The following PML variants were observed in gnomAD, a reference collection of about 807,000 sequenced individuals.
The protein encoded by PML is PML nuclear body scaffold, also known as protein PML.
In PML, 28 loss-of-function variants were observed where a neutral mutation model predicts 65.2. The observed-to-expected ratio is 0.43, with a 90% confidence interval of 0.32 to 0.59. The LOEUF (loss-of-function observed/expected upper bound fraction) is 0.59. Ranked by LOEUF, PML falls within the 20% of genes least tolerant of loss-of-function variation. The pLI, the probability that PML is intolerant of heterozygous loss-of-function variation, is 0.08. For missense variants in PML, 1,021 were observed against 1,203.4 expected (o/e 0.85, Z 2.24); for synonymous variants, 500 against 508.8 (o/e 0.98, Z 0.23).
chr15:74,020,145 C>T (rs1209959271), intron 2 of PML, among the ~76,000 whole-genome samples: 4 of 152,160 alleles, frequency 2.6e-5, no homozygotes, highest in Non-Finnish European at 2.9e-5. Flanking sequence ...CTTAGTATTT[C>T]TAATTAAACG....
chr15:74,034,687 A>G lies in PML; in HGVS notation c.1710+157A>G, dbSNP rs974109258. 3 of 1,556,686 alleles carry G rather than the reference A, an allele frequency of 1.9e-6. No individual in the cohort carries two copies. The African/African-American group carries it at 4.1e-5, about 21-fold the overall frequency. Reference sequence around the variant, plus strand: ...AAGCTGTGCTGAGGACAGTCTCCAAATGACAGCTGCATGCCTGGACCACCC... The same window carrying G: ...AAGCTGTGCTGAGGACAGTCTCCAAGTGACAGCTGCATGCCTGGACCACCC... On this transcript the variant is annotated intron_variant, in intron 7 of 8. Coordinates refer to ENST00000268058, the MANE Select transcript of PML (RefSeq NM_033238.3).
intron 7 of PML, chr15:74,034,748 T>G (rs2071469865): frequency 6.7e-7 from 1 of 1,481,672 alleles, no homozygotes; most frequent in African/African-American, 1.4e-5. Flanking sequence ...GGAGCTCTTC[T>G]GAAATGCTGA....
intron 2 of PML, among the ~76,000 whole-genome samples, chr15:74,019,389 C>G (rs879473209): frequency 6.6e-6 from 1 of 152,222 alleles, no homozygotes; most frequent in Non-Finnish European, 1.5e-5. Context: ...TTATTCTCTT[C>G]CCTTTATTCC....
intron 2 of PML, among the ~76,000 whole-genome samples, chr15:74,017,837 C>T (rs2070661868): frequency 6.6e-6 from 1 of 152,058 alleles, no homozygotes; most frequent in South Asian, 2.1e-4. Flanking sequence ...ACACTGATTC[C>T]TCAAACATTT....
intron 8 of PML, 142 bp from the exon 9 acceptor site, chr15:74,044,079 G>A (rs2071742851): frequency 1.3e-6 from 1 of 758,382 alleles, no homozygotes; most frequent in African/African-American, 1.7e-5. Flanking sequence ...AGCTGCATTT[G>A]GGGGCTGATG....
intron 2 of PML, among the ~76,000 whole-genome samples, chr15:74,014,208 A>G (rs1414177313): frequency 6.6e-6 from 1 of 152,206 alleles, no homozygotes; most frequent in Admixed American, 6.5e-5. Flanking sequence ...GAGATAAGCA[A>G]TAATTGAGGC....
Position 74,001,621 on chromosome 15 carries a change from G to A in PML, c.602+3145G>A, listed in dbSNP as rs115851006. On this transcript the variant is annotated intron_variant, in intron 2 of 8. Transcript: ENST00000268058. ...CTCCCAAAGTTCTGGGATTACAGGC[G>A]TGAGCTACAATGCCCTGCCTAATAA... 4.3e-3 allele frequency among the ~76,000 whole-genome samples: 661 copies of A among 152,252 alleles called. 6 individuals carry two copies. The highest frequency in any genetic ancestry group is 0.015 in the African/African-American group (641 of 41,558).
intron 4 of PML, among the ~76,000 whole-genome samples, chr15:74,030,373 G>T (rs747332314): frequency 1.3e-5 from 2 of 152,238 alleles, no homozygotes; most frequent in Non-Finnish European, 2.9e-5. Context: ...ATTTGGCCAG[G>T]TGTGGTGGCT....
At chr15:74,016,055 G>A (rs796432779) in intron 2 of PML, among the ~76,000 whole-genome samples, 4 of 152,258 alleles carry the variant, frequency 2.6e-5, no homozygotes, top group African/African-American at 9.6e-5. Context: ...GAGGTGGGCA[G>A]ATCACGAGGT....
At chr15:74,005,412 A>G (rs1316373950) in intron 2 of PML, among the ~76,000 whole-genome samples, 1 of 151,956 alleles carries the variant, frequency 6.6e-6, no homozygotes, top group Non-Finnish European at 1.5e-5. Flanking sequence ...CTCCAAGAAC[A>G]TATTTTACAT....
intron 2 of PML, among the ~76,000 whole-genome samples, chr15:74,000,815 T>C (rs1222440113): frequency 6.6e-6 from 1 of 152,216 alleles, no homozygotes; most frequent in Non-Finnish European, 1.5e-5. Flanking sequence ...GAGGGCCAAC[T>C]GTACATATAA....
intron 2 of PML, among the ~76,000 whole-genome samples, chr15:74,004,528 T>C (rs930678363): frequency 1.3e-5 from 2 of 152,092 alleles, no homozygotes; most frequent in South Asian, 4.1e-4. Flanking sequence ...TCTAAACTCC[T>C]GGCTTCAAGT....
intron 2 of PML, among the ~76,000 whole-genome samples, chr15:74,018,322 CAAAA>C (rs10663510): frequency 1.1e-5 from 1 of 94,886 alleles, no homozygotes; most frequent in Admixed American, 1.3e-4. Context: ...GACTCAGTCT[CAAAA>C]AAAAAAAAAA....
intron 2 of PML, among the ~76,000 whole-genome samples, chr15:74,022,187 C>T (rs2070868784): frequency 1.3e-5 from 2 of 152,188 alleles, no homozygotes; most frequent in South Asian, 4.1e-4. Context: ...GAACTCCCGA[C>T]CTCAGGTGAT....
rs1050200949 is a variant in PML, at chr15:74,037,815, T to C, written c.1710+3285T>C. 28 of 675,250 alleles carry C rather than the reference T, an allele frequency of 4.1e-5. No individual in the cohort carries two copies. The highest frequency in any genetic ancestry group is 6.3e-5 in the Admixed American group (1 of 15,896). The allele number at this position is 675,250 out of a possible 1,614,324, so 41.8% of individuals were successfully genotyped here. A position where few individuals can be genotyped will look rare whatever the true frequency, so the allele number is the denominator to read the frequency against. Reference sequence around the variant, plus strand: ...CTGCTGGGCCCTTTCCTCTTTTCAGTCTGTGTATTCTCCCAGGTGCTCTCA... The same window carrying C: ...CTGCTGGGCCCTTTCCTCTTTTCAGCCTGTGTATTCTCCCAGGTGCTCTCA... On this transcript the variant is annotated intron_variant, in intron 7 of 8. Transcript: ENST00000268058. The surrounding 1 kb of genome is among the most constrained non-coding windows in gnomAD (Gnocchi z 4.2).
chr15:74,020,926 C>T (rs900855425), intron 2 of PML, among the ~76,000 whole-genome samples: 1 of 152,166 alleles, frequency 6.6e-6, no homozygotes, highest in East Asian at 1.9e-4. Context: ...CACGTGATTA[C>T]GTTGAACCCA....
intron 7 of PML, chr15:74,036,406 C>G (rs2071562631): frequency 1.5e-6 from 2 of 1,331,206 alleles, no homozygotes; most frequent in African/African-American, 2.9e-5. Context: ...CCTTGCGAAC[C>G]CTTATTCCAC....
intron 2 of PML, among the ~76,000 whole-genome samples, chr15:74,009,348 G>T (rs2070216152): frequency 6.6e-6 from 1 of 152,216 alleles, no homozygotes. Flanking sequence ...TGCCCTCTGT[G>T]AAGTTAGCAG....
rs1398951641 is a variant in PML at position 74,037,338 on chromosome 15, G to A, written c.1710+2808G>A. ...ACCCCTTCCCTGCCCTCGTTAGGGT[G>A]GAAGGGATGTCCACCTGCCTCCAGG... On this transcript the variant is annotated intron_variant, in intron 7 of 8. Transcript: ENST00000268058. The surrounding 1 kb of genome is among the most constrained non-coding windows in gnomAD (Gnocchi z 4.2). The A allele has an allele frequency of 1.0e-6, 1 of 985,266 alleles. No individual in the cohort carries two copies. The highest frequency in any genetic ancestry group is 1.7e-5 in the African/African-American group (1 of 57,218). The allele number at this position is 985,266 out of a possible 1,614,324, so 61.0% of individuals were successfully genotyped here.
Sources: gnomAD v4.1 joint callset for allele counts (sites outside exome capture counted in the v4.1 genomes callset) on GRCh38, gnomAD v4.1.1 for gene constraint, Gnocchi (gnomAD v3.1) non-coding constraint, MANE v1.5 for transcripts, NCBI Gene and HGNC (gene_info 2026-07-23, HGNC 2026-07-21) for gene names.